PCDHGB7: variants seen among roughly 807,000 people sequenced by gnomAD.
PCDHGB7 encodes protocadherin gamma subfamily B, 7.
PCDHGB7 carries 37 observed loss-of-function variants against 61.4 expected under a neutral mutation model. That is an observed-to-expected ratio of 0.60 (90% confidence interval 0.46 to 0.79). The LOEUF is 0.79. PCDHGB7 is among the 30% of genes least tolerant of loss of function. The probability of loss-of-function intolerance (pLI) is 0.00; values close to 1 mark genes in which losing one functional copy is unlikely to be tolerated. For synonymous variants in PCDHGB7, 464 were observed against 503.5 expected (o/e 0.92, Z 1.05); for missense variants, 1,166 against 1,202.5 (o/e 0.97, Z 0.45).
Position 141,491,883 on chromosome 5 carries a change from G to T in PCDHGB7, c.2416-2924G>T. On this transcript the variant is annotated intron_variant, in intron 1 of 3. Transcript: ENST00000398594. The surrounding 1 kb of genome is among the most constrained non-coding windows in gnomAD (Gnocchi z 6.9). The stretch of plus-strand genomic sequence containing the variant: ...AAACCAGAGTGGCCGATTAAGGGAT[G>T]GGGCTCCGAGCACCGGGGGTGGTGG... 1 of 1,446,756 alleles carries T rather than the reference G, an allele frequency of 6.9e-7. No individual in the cohort carries two copies. Among genetic ancestry groups the T allele is most frequent in the South Asian group, 1.5e-5 (1 of 67,644 alleles). 89.6% of individuals were successfully genotyped at this position (1,446,756 alleles called of 1,614,324 possible). A position where few individuals can be genotyped will look rare whatever the true frequency, so the allele number is the denominator to read the frequency against.
At chr5:141,438,957 CACCCTGCCA>C (rs1022731551) in intron 1 of PCDHGB7, among the ~76,000 whole-genome samples, 2 of 152,144 alleles carry the variant, frequency 1.3e-5, no homozygotes, top group East Asian at 3.9e-4. Flanking sequence ...TGAGCCACCG[CACCCTGCCA>C]ACTGTCTGAC....
At chr5:141,428,189 C>G in intron 1 of PCDHGB7, 1 of 1,429,262 alleles carries the variant, frequency 7.0e-7, no homozygotes, top group African/African-American at 1.4e-5. Flanking sequence ...ACAGCCGCCG[C>G]TCTCTGCGCC....
chr5:141,431,904 T>A lies in PCDHGB7; in HGVS notation c.2415+11630T>A. On this transcript the variant is annotated intron_variant, in intron 1 of 3. Transcript: ENST00000398594. The surrounding 1 kb of genome is among the most constrained non-coding windows in gnomAD (Gnocchi z 4.8). ...CAAGATTCTGAGGAAAACGGACAGG[T>A]GATCTGTTTCATCCAAGGAAATCTG... is the stretch of plus-strand genomic sequence containing the variant. 1 of 1,613,846 alleles carries A rather than the reference T, an allele frequency of 6.2e-7. No individual in the cohort carries two copies. Among genetic ancestry groups the A allele is most frequent in the Non-Finnish European group, 8.5e-7 (1 of 1,179,708 alleles).
intron 3 of PCDHGB7, among the ~76,000 whole-genome samples, chr5:141,506,300 T>G (rs2099852124): frequency 6.6e-6 from 1 of 151,976 alleles, no homozygotes; most frequent in East Asian, 1.9e-4. Flanking sequence ...AATACAAAAA[T>G]TAGCTGGGCA....
In PCDHGB7 at chr5:141,454,484, G is replaced by A. The variant is rs555881095; in HGVS notation, c.2415+34210G>A. On this transcript the variant is annotated intron_variant, in intron 1 of 3. Transcript: ENST00000398594. The stretch of plus-strand genomic sequence containing the variant: ...TGCAATGGCATGATCTCAGCTCACC[G>A]CAACCTCCACCTCCTGGATTCAGGC... Among the ~76,000 whole-genome samples, 7 of 152,218 alleles carry A rather than the reference G, an allele frequency of 4.6e-5. No individual in the cohort carries two copies. In the East Asian group the frequency reaches 7.7e-4, roughly 17 times the overall value.
At chr5:141,422,997 C>T (rs114907564) in intron 1 of PCDHGB7, 28,679 of 1,614,218 alleles carry the variant, frequency 0.018, 311 homozygotes, top group Non-Finnish European at 0.021. Context: ...ACCTGGTGAC[C>T]AAGGTGGTTG....
chr5:141,486,140 C>T lies in PCDHGB7; in HGVS notation c.2416-8667C>T, dbSNP rs759476505. On this transcript the variant is annotated intron_variant, in intron 1 of 3. Coordinates refer to ENST00000398594, the MANE Select transcript of PCDHGB7 (RefSeq NM_018927.4). The surrounding 1 kb of genome is among the most constrained non-coding windows in gnomAD (Gnocchi z 5.0). ...TTACTATGAATTTGATGTGCGGGCT[C>T]GCGATGGGGGTTCTCCAGCCATGGA... 1 of 1,614,164 alleles carries T rather than the reference C, an allele frequency of 6.2e-7. No individual in the cohort carries two copies. The highest frequency in any genetic ancestry group is 1.3e-5 in the African/African-American group (1 of 75,030).
In PCDHGB7 at chr5:141,485,798, C is replaced by T. The variant is rs764109672; in HGVS notation, c.2416-9009C>T. The T allele has an allele frequency of 2.0e-5, 32 of 1,614,172 alleles. No individual in the cohort carries two copies. The highest frequency in any genetic ancestry group is 1.1e-4 in the East Asian group (5 of 44,876). ...GGATCGAGAGAAGCAATCGGACTAC[C>T]GCCTGGTGCTGACTGCTGTCGATGG... is the stretch of plus-strand genomic sequence containing the variant. On this transcript the variant is annotated intron_variant, in intron 1 of 3. Coordinates refer to ENST00000398594, the MANE Select transcript of PCDHGB7 (RefSeq NM_018927.4). The surrounding 1 kb of genome is among the most constrained non-coding windows in gnomAD (Gnocchi z 5.7).
Position 141,420,086 on chromosome 5 carries a change from TAC to T in PCDHGB7, c.2229_2230del (p.Tyr743Ter), listed in dbSNP as rs1396904191. 1.2e-6 allele frequency: 2 copies of T among 1,614,002 alleles called. No homozygotes were observed. Among genetic ancestry groups the T allele is most frequent in the Non-Finnish European group, 1.7e-6 (2 of 1,179,834 alleles). ...SKSGPVGPPN[Y>X]SEGTLPYAYN... Reference sequence around the variant, plus strand: ...GTCCGGACCTGTGGGTCCCCCCAACTACAGTGAGGGAACGTTGCCCTATGCCT... The same window carrying T: ...GTCCGGACCTGTGGGTCCCCCCAACTAGTGAGGGAACGTTGCCCTATGCCT... On this transcript the variant is annotated frameshift_variant, in exon 1 of 4. Coordinates refer to ENST00000398594, the MANE Select transcript of PCDHGB7 (RefSeq NM_018927.4). LOFTEE classifies it high-confidence loss of function.
intron 1 of PCDHGB7, among the ~76,000 whole-genome samples, chr5:141,472,267 C>T (rs547832378): frequency 6.6e-5 from 10 of 152,216 alleles, no homozygotes; most frequent in African/African-American, 2.4e-4. Context: ...TATAGCCGGG[C>T]ACAGTGGCTC....
At chr5:141,446,143 T>G (rs2098490523) in intron 1 of PCDHGB7, among the ~76,000 whole-genome samples, 1 of 152,204 alleles carries the variant, frequency 6.6e-6, no homozygotes, top group Admixed American at 6.5e-5. Flanking sequence ...AATAATGGAA[T>G]AGGTGGAATA....
chr5:141,445,363 T>C (rs186841717), intron 1 of PCDHGB7, among the ~76,000 whole-genome samples: 9 of 152,284 alleles, frequency 5.9e-5, no homozygotes. Context: ...CCAAGTCTGG[T>C]CCTGGGTGGT....
Position 141,477,931 on chromosome 5 carries a change from G to T in PCDHGB7, c.2416-16876G>T. 6.2e-7 allele frequency: 1 copy of T among 1,614,138 alleles called. No homozygotes were observed. Among genetic ancestry groups the T allele is most frequent in the Non-Finnish European group, 8.5e-7 (1 of 1,180,040 alleles). ...ACGCGGATGCAGGGCACAATGCCTG[G>T]CTCTCCTACAGTCTCTTGGGATCCC... On this transcript the variant is annotated intron_variant, in intron 1 of 3. Coordinates refer to ENST00000398594, the MANE Select transcript of PCDHGB7 (RefSeq NM_018927.4). This position sits in a 1 kb window ranked among gnomAD's most constrained non-coding sequence, Gnocchi z 4.9.
intron 3 of PCDHGB7, among the ~76,000 whole-genome samples, chr5:141,508,855 C>T (rs2099872444): frequency 6.6e-6 from 1 of 152,020 alleles, no homozygotes; most frequent in Non-Finnish European, 1.5e-5. Flanking sequence ...CATTCCCAGG[C>T]TGGGAAAGGC....
chr5:141,493,204 C>T lies in PCDHGB7; in HGVS notation c.2416-1603C>T, dbSNP rs2099746929. Among the ~76,000 whole-genome samples, 1 of 152,216 alleles carries T rather than the reference C, an allele frequency of 6.6e-6. No individual in the cohort carries two copies. Among genetic ancestry groups the T allele is most frequent in the Non-Finnish European group, 1.5e-5 (1 of 68,042 alleles). Reference sequence around the variant, plus strand: ...TATATAACTCCTTTGAGAACCTCATCTCATTTGCTCTTCCCACCATTGCTG... The same window carrying T: ...TATATAACTCCTTTGAGAACCTCATTTCATTTGCTCTTCCCACCATTGCTG... On this transcript the variant is annotated intron_variant, in intron 1 of 3. Transcript: ENST00000398594. This position sits in a 1 kb window ranked among gnomAD's most constrained non-coding sequence, Gnocchi z 4.3.
At chr5:141,457,448 A>G (rs1296079061) in intron 1 of PCDHGB7, among the ~76,000 whole-genome samples, 2 of 152,196 alleles carry the variant, frequency 1.3e-5, no homozygotes, top group Non-Finnish European at 2.9e-5. Flanking sequence ...GCAGAAGATC[A>G]CCACTTGATT....
At chr5:141,474,241 G>A (rs1367530484) in intron 1 of PCDHGB7, among the ~76,000 whole-genome samples, 8 of 151,928 alleles carry the variant, frequency 5.3e-5, no homozygotes, top group East Asian at 1.9e-4. Context: ...TGCTGAATAG[G>A]GGAAAAAAAG....
At position 141,422,383 on chromosome 5, in the gene PCDHGB7, T is replaced by C. The variant is rs201301291; in HGVS notation, c.2415+2109T>C. On this transcript the variant is annotated intron_variant, in intron 1 of 3. Transcript: ENST00000398594. ...TGGAGAAAATGGTCAAGTCTCCTGT[T>C]TTATTCCTAACCACCTGCCTTTTAA... 554 of 1,586,008 alleles carry C rather than the reference T, an allele frequency of 3.5e-4. 2 individuals are homozygous for C. The African/African-American group carries it at 6.9e-3, about 20-fold the overall frequency.
chr5:141,477,564 A>T lies in PCDHGB7; in HGVS notation c.2416-17243A>T. 2 of 1,613,924 alleles carry T rather than the reference A, an allele frequency of 1.2e-6. No individual in the cohort carries two copies. The highest frequency in any genetic ancestry group is 1.7e-6 in the Non-Finnish European group (2 of 1,179,980). On this transcript the variant is annotated intron_variant, in intron 1 of 3. Coordinates refer to ENST00000398594, the MANE Select transcript of PCDHGB7 (RefSeq NM_018927.4). The surrounding 1 kb of genome is among the most constrained non-coding windows in gnomAD (Gnocchi z 4.9). ...CCAATACTAAACCTAAGTGTCTGGG[A>T]CCCCGACGCCCCGCAGAATGCTCGG... is the stretch of plus-strand genomic sequence containing the variant.
Sources: gnomAD v4.1 joint callset for allele counts (sites outside exome capture counted in the v4.1 genomes callset) on GRCh38, gnomAD v4.1.1 for gene constraint, Gnocchi (gnomAD v3.1) non-coding constraint, MANE v1.5 for transcripts, NCBI Gene and HGNC (gene_info 2026-07-23, HGNC 2026-07-21) for gene names.